The following DAB1 variants were observed in gnomAD, a reference collection of about 807,000 sequenced individuals.
DAB1 encodes the protein DAB adaptor protein 1, also known as disabled homolog 1.
In DAB1, 15 loss-of-function variants were observed where a neutral mutation model predicts 64.6. That is an observed-to-expected ratio of 0.23 (90% CI 0.16 to 0.36). The LOEUF is 0.36. DAB1 is among the 10% of genes least tolerant of loss of function. DAB1 has a pLI of 1.00. For missense variants in DAB1, 596 were observed against 706.7 expected, an observed-to-expected ratio of 0.84 and a Z score of 1.78; for synonymous variants, 235 against 251.9, an observed-to-expected ratio of 0.93 and a Z score of 0.64.
chr1:58,335,526 CT>C (rs35624976), intron 4 of DAB1, among the ~76,000 whole-genome samples: 29,759 of 152,020 alleles, frequency 0.2, 3,138 homozygotes, highest in East Asian at 0.29. Context: ...AAATTGCAGT[CT>C]TTGCGAATGG....
intron 3 of DAB1, among the ~76,000 whole-genome samples, chr1:58,498,454 AC>A (rs1371270310): frequency 6.6e-6 from 1 of 152,138 alleles, no homozygotes. Flanking sequence ...GCAAGCATAT[AC>A]TTTTAAGAAG....
chr1:58,288,034 A>AC (rs994984834), intron 4 of DAB1, among the ~76,000 whole-genome samples: 1 of 146,404 alleles, frequency 6.8e-6, no homozygotes, highest in Non-Finnish European at 1.5e-5. Flanking sequence ...AAAAAAAAAA[A>AC]AAAAAAAAAA....
chr1:57,599,988 T>G (rs11207071), intron 7 of DAB1, among the ~76,000 whole-genome samples: 35,353 of 152,098 alleles, frequency 0.23, 4,522 homozygotes, highest in East Asian at 0.33. Flanking sequence ...CAACACCTCA[T>G]GTCCTCTGGC....
chr1:58,442,388 A>T (rs933299958), intron 3 of DAB1, among the ~76,000 whole-genome samples: 13 of 152,176 alleles, frequency 8.5e-5, no homozygotes, highest in South Asian at 8.3e-4. Flanking sequence ...ATTATTGTTC[A>T]GCTGAGGGAG....
intron 7 of DAB1, among the ~76,000 whole-genome samples, chr1:57,451,553 A>C (rs541412218): frequency 6.6e-6 from 1 of 152,346 alleles, no homozygotes; most frequent in Admixed American, 6.5e-5. Flanking sequence ...AATCTCATGC[A>C]CATTAAGTTT....
At chr1:57,042,678 T>C (rs940038418) in intron 9 of DAB1, among the ~76,000 whole-genome samples, 1 of 152,180 alleles carries the variant, frequency 6.6e-6, no homozygotes, top group African/African-American at 2.4e-5. Flanking sequence ...TGATACATTT[T>C]AAAAAACAAA....
intron 1 of DAB1, chr1:57,876,478 T>C (rs1644048993): frequency 6.6e-6 from 1 of 152,232 alleles, no homozygotes. Flanking sequence ...TGTGATGATC[T>C]GTTGAGGCTG....
At chr1:57,116,336 C>T (rs1190963202) in intron 4 of DAB1, among the ~76,000 whole-genome samples, 1 of 151,654 alleles carries the variant, frequency 6.6e-6, no homozygotes, top group African/African-American at 2.4e-5. Flanking sequence ...GTGGCACGCG[C>T]CTGTAATCCC....
At chr1:58,173,061 G>A (rs1054492705) in intron 4 of DAB1, among the ~76,000 whole-genome samples, 2 of 152,176 alleles carry the variant, frequency 1.3e-5, no homozygotes, top group Non-Finnish European at 2.9e-5. Context: ...GAAACCACTG[G>A]GCAGATGCTG....
chr1:57,983,115 C>T (rs774909599), intron 5 of DAB1, among the ~76,000 whole-genome samples: 3 of 152,164 alleles, frequency 2.0e-5, no homozygotes, highest in Non-Finnish European at 2.9e-5. Context: ...GGTCATTCCT[C>T]TTTAGGAAGG....
chr1:58,481,305 G>T (rs567219609), intron 3 of DAB1: 270 of 399,934 alleles, frequency 6.8e-4, no homozygotes, highest in Non-Finnish European at 7.3e-4. Flanking sequence ...AAGGTATCTT[G>T]ATTATAACAC....
intron 6 of DAB1, among the ~76,000 whole-genome samples, chr1:57,771,545 C>A (rs1649562200): frequency 6.6e-6 from 1 of 151,998 alleles, no homozygotes. Flanking sequence ...GAGTTTCACT[C>A]CAATAACAGA....
intron 4 of DAB1, among the ~76,000 whole-genome samples, chr1:58,235,314 G>A (rs767616864): frequency 6.6e-6 from 1 of 152,224 alleles, no homozygotes; most frequent in African/African-American, 2.4e-5. Context: ...CAGATATTTG[G>A]TAAGAGGTGG....
At chr1:57,121,377 C>A (rs1014557061) in intron 4 of DAB1, among the ~76,000 whole-genome samples, 6 of 151,826 alleles carry the variant, frequency 4.0e-5, no homozygotes, top group African/African-American at 1.5e-4. Flanking sequence ...TACCCTTCTG[C>A]TTGTCACTAT....
At chr1:57,074,712 T>G (rs552559736) in intron 4 of DAB1, among the ~76,000 whole-genome samples, 1 of 152,340 alleles carries the variant, frequency 6.6e-6, no homozygotes, top group East Asian at 1.9e-4. Context: ...CTGGATATCA[T>G]GCTTAAATGG....
chr1:57,115,919 C>T (rs935745613), intron 4 of DAB1, among the ~76,000 whole-genome samples: 2 of 152,094 alleles, frequency 1.3e-5, no homozygotes, highest in African/African-American at 4.8e-5. Context: ...ATGATGTAAC[C>T]ACATCAGGCC....
intron 11 of DAB1, among the ~76,000 whole-genome samples, chr1:57,021,927 G>A (rs981299589): frequency 2.6e-5 from 4 of 152,106 alleles, no homozygotes; most frequent in African/African-American, 9.7e-5. Context: ...GACTACAGGG[G>A]CTCCACTTAC....
intron 5 of DAB1, among the ~76,000 whole-genome samples, chr1:57,912,822 A>T (rs1033315999): frequency 2.6e-5 from 4 of 152,242 alleles, no homozygotes; most frequent in African/African-American, 9.6e-5. Flanking sequence ...GAGCCAACTC[A>T]TGAGTGAACT....
chr1:57,288,772 G>A (rs1462061052), intron 2 of DAB1, among the ~76,000 whole-genome samples: 2 of 152,046 alleles, frequency 1.3e-5, no homozygotes, highest in Non-Finnish European at 1.5e-5. Context: ...AAGATGACAG[G>A]GAAGGGAGGG....
Sources: gnomAD v4.1 joint callset for allele counts (sites outside exome capture counted in the v4.1 genomes callset) on GRCh38, gnomAD v4.1.1 for gene constraint, MANE v1.5 for transcripts, NCBI Gene and HGNC (gene_info 2026-07-23, HGNC 2026-07-21) for gene names.